SEC24D: variants seen among roughly 807,000 people sequenced by gnomAD.
SEC24D encodes SEC24 homolog D, COPII component, also known as protein transport protein Sec24D.
In SEC24D, 69 loss-of-function variants were observed where a neutral mutation model predicts 116.9. That is an observed-to-expected ratio of 0.59 (90% CI 0.49 to 0.72). SEC24D has a LOEUF of 0.72. SEC24D is among the 30% of genes least tolerant of loss of function. SEC24D has a pLI of 0.00. For synonymous variants in SEC24D, 405 were observed against 442.8 expected (o/e 0.91, Z 1.07); for missense variants, 1,131 against 1,264.1 (o/e 0.89, Z 1.60).
intron 8 of SEC24D, among the ~76,000 whole-genome samples, chr4:118,779,467 T>C (rs1272551548): frequency 1.3e-5 from 2 of 152,196 alleles, no homozygotes; most frequent in African/African-American, 4.8e-5. Flanking sequence ...TTGAATGTGG[T>C]GGATAAGCTT....
At chr4:118,805,665 G>C (rs996318821) in intron 7 of SEC24D, among the ~76,000 whole-genome samples, 178 bp downstream of exon 7, 3 of 152,194 alleles carry the variant, frequency 2.0e-5, no homozygotes, top group Non-Finnish European at 4.4e-5. Flanking sequence ...CATACGCACA[G>C]AATAAAATTC....
intron 8 of SEC24D, among the ~76,000 whole-genome samples, chr4:118,793,452 G>A (rs1366730486): frequency 7.4e-6 from 1 of 134,786 alleles, no homozygotes; most frequent in Non-Finnish European, 1.6e-5. Flanking sequence ...GGGCGACAGA[G>A]CGAGACTCCG....
chr4:118,792,209 C>T (rs1189458605), intron 8 of SEC24D, among the ~76,000 whole-genome samples: 5 of 151,056 alleles, frequency 3.3e-5, no homozygotes, highest in Non-Finnish European at 7.4e-5. Flanking sequence ...GCGTCTCTGA[C>T]CGGCCGCCCC....
chr4:118,777,358 A>G (rs2110482329), intron 8 of SEC24D, among the ~76,000 whole-genome samples: 1 of 152,290 alleles, frequency 6.6e-6, no homozygotes, highest in East Asian at 1.9e-4. Flanking sequence ...GAATGAGAAC[A>G]TGTGGTGTTT....
In SEC24D at chr4:118,728,626, G is replaced by C; in HGVS notation, c.2893C>G (p.Pro965Ala). Residue 965 changes from proline to alanine, a missense_variant, in exon 22 of 23, where the codon CCA becomes GCA. Coordinates refer to ENST00000280551, the MANE Select transcript of SEC24D (RefSeq NM_014822.4). ...DMTLLPEVGN[P>A]YSQQLRMIMG... ...ATCATTCTGAGTTGTTGAGAGTATG[G>C]GTTTCCCACTTCAGGCAGCAATGTC... The C allele has an allele frequency of 6.2e-7, 1 of 1,609,448 alleles. No homozygotes were observed. Among genetic ancestry groups the C allele is most frequent in the Non-Finnish European group, 8.5e-7 (1 of 1,176,662 alleles).
At chr4:118,772,925 C>T (rs1727968641) in intron 8 of SEC24D, among the ~76,000 whole-genome samples, 2 of 152,232 alleles carry the variant, frequency 1.3e-5, no homozygotes, top group Admixed American at 1.3e-4. Context: ...CACCCACACT[C>T]AGAACATTGC....
At chr4:118,770,665 A>C (rs1226182545) in intron 8 of SEC24D, among the ~76,000 whole-genome samples, 1 of 152,216 alleles carries the variant, frequency 6.6e-6, no homozygotes, top group African/African-American at 2.4e-5. Flanking sequence ...ACAAGCCAAA[A>C]GTAATGGAAG....
At chr4:118,781,837 C>G (rs1444526430) in intron 8 of SEC24D, among the ~76,000 whole-genome samples, 3 of 152,112 alleles carry the variant, frequency 2.0e-5, no homozygotes, top group Non-Finnish European at 4.4e-5. Context: ...TTAATTTGAT[C>G]TTCGATCACT....
chr4:118,752,919 C>A (rs1307743094), intron 11 of SEC24D, 31 bp from the exon 12 acceptor site: 2 of 1,480,392 alleles, frequency 1.4e-6, no homozygotes, highest in East Asian at 2.4e-5. Flanking sequence ...GTTTGAGATG[C>A]TTTATAAATT....
intron 13 of SEC24D, among the ~76,000 whole-genome samples, chr4:118,750,870 T>C (rs1032606819): frequency 2.0e-5 from 3 of 151,996 alleles, no homozygotes; most frequent in Admixed American, 6.6e-5. Context: ...TTTTGAGTGA[T>C]ATCCACAATA....
intron 6 of SEC24D, 143 bp from the exon 7 acceptor site, chr4:118,806,097 A>G (rs1729663656): frequency 3.1e-5 from 18 of 589,924 alleles, no homozygotes; most frequent in Non-Finnish European, 5.0e-5. Flanking sequence ...ACACAGTCTC[A>G]CACACTCACA....
intron 11 of SEC24D, among the ~76,000 whole-genome samples, chr4:118,753,318 A>T (rs1726929237): frequency 6.6e-6 from 1 of 152,148 alleles, no homozygotes; most frequent in Admixed American, 6.5e-5. Context: ...CATATTACTA[A>T]CAGGACAGCT....
At chr4:118,782,461 C>T (rs1728458921) in intron 8 of SEC24D, among the ~76,000 whole-genome samples, 1 of 152,158 alleles carries the variant, frequency 6.6e-6, no homozygotes, top group Non-Finnish European at 1.5e-5. Flanking sequence ...GCTGCCTGAT[C>T]CTTCCTCTGG....
At chr4:118,787,097 T>C (rs1449297020) in intron 8 of SEC24D, among the ~76,000 whole-genome samples, 9 of 152,210 alleles carry the variant, frequency 5.9e-5, no homozygotes. Flanking sequence ...AGGGATAATA[T>C]TCTGTTCTTC....
intron 3 of SEC24D, among the ~76,000 whole-genome samples, chr4:118,823,259 T>C (rs1442684889): frequency 2.0e-5 from 3 of 152,216 alleles, no homozygotes; most frequent in African/African-American, 7.2e-5. Flanking sequence ...ACCTACCCTC[T>C]GCATCCCATA....
At chr4:118,799,738 T>C (rs1729341585) in intron 7 of SEC24D, among the ~76,000 whole-genome samples, 1 of 152,090 alleles carries the variant, frequency 6.6e-6, no homozygotes, top group Non-Finnish European at 1.5e-5. Flanking sequence ...TGCCAGATGG[T>C]GCTGCTGGAG....
chr4:118,792,087 T>G (rs1211888966), intron 8 of SEC24D, among the ~76,000 whole-genome samples: 1 of 149,240 alleles, frequency 6.7e-6, no homozygotes, highest in East Asian at 2.0e-4. Context: ...GGGGAGCGCC[T>G]CTGCCCCGCC....
chr4:118,745,852 C>T (rs937524841), intron 13 of SEC24D, among the ~76,000 whole-genome samples: 1 of 152,148 alleles, frequency 6.6e-6, no homozygotes, highest in Non-Finnish European at 1.5e-5. Context: ...AAGACAATAG[C>T]TCTGATCAGG....
chr4:118,778,946 T>G (rs888026213), intron 8 of SEC24D, among the ~76,000 whole-genome samples: 11 of 152,212 alleles, frequency 7.2e-5, no homozygotes, highest in African/African-American at 2.4e-4. Context: ...TTTTGCACAT[T>G]GATTTTGTAT....
Sources: gnomAD v4.1 joint callset for allele counts (sites outside exome capture counted in the v4.1 genomes callset) on GRCh38, gnomAD v4.1.1 for gene constraint, MANE v1.5 for transcripts, NCBI Gene and HGNC (gene_info 2026-07-23, HGNC 2026-07-21) for gene names.